Variants in HRAS observed in about 807,000 individuals in gnomAD.
HRAS encodes the protein GTPase HRas.
Under a neutral mutation model 19.8 loss-of-function variants are expected in HRAS, and 11 were observed. That is an observed-to-expected ratio of 0.55 (90% CI 0.35 to 0.92). The LOEUF is 0.92. Among genes scored for constraint, HRAS ranks in the 40% least tolerant of loss-of-function variants. The pLI is 0.01. For synonymous variants in HRAS, 149 were observed against 105.5 expected, an observed-to-expected ratio of 1.41 and a Z score of -2.52; for missense variants, 204 against 255.9, an observed-to-expected ratio of 0.80 and a Z score of 1.38.
intron 5 of HRAS, 45 bp downstream of exon 5, chr11:532,586 G>C: frequency 6.3e-7 from 1 of 1,589,490 alleles, no homozygotes; most frequent in South Asian, 1.1e-5. Flanking sequence ...CGGGGAGCCG[G>C]GGTCATCCGG....
At chr11:532,859 G>A (rs993421123) in intron 4 of HRAS, 104 bp from the exon 5 acceptor site, 20 of 1,146,224 alleles carry the variant, frequency 1.7e-5, no homozygotes, top group Middle Eastern at 2.0e-4. Flanking sequence ...CGAAGCTCCC[G>A]ACTCCACCAG....
chr11:532,836 GC>G lies in HRAS; in HGVS notation c.451-82del, dbSNP rs1851190533. ...GAGGGGCTCCCTGCTGTGGGATCAA[GC>G]CTTGCCTGGCCCGAAGCTCCCGACT... On this transcript the variant is annotated intron_variant, in intron 4 of 5. Transcript: ENST00000311189. The G allele has an allele frequency of 3.5e-6, 5 of 1,410,140 alleles. No homozygotes were observed. The East Asian group carries it at 1.2e-4, about 33-fold the overall frequency. The allele number at this position is 1,410,140 out of a possible 1,614,324, so 87.4% of individuals were successfully genotyped here.
rs149199691 is a variant in HRAS, at chr11:534,221, G to A, written c.102C>T (p.Pro34=). 2.2e-5 allele frequency: 35 copies of A among 1,611,508 alleles called. No homozygotes were observed. The African/African-American group carries it at 3.9e-4, about 18-fold the overall frequency. Residue 34 remains proline, a synonymous_variant, in exon 2 of 6, where the codon CCC becomes CCT. Coordinates refer to ENST00000311189, the MANE Select transcript of HRAS (RefSeq NM_005343.4). ...IQNHFVDEYD[P]TIEDSYRKQV... The stretch of plus-strand genomic sequence containing the variant: ...GCGGCGCCAGGCTCACCTCTATAGT[G>A]GGGTCGTATTCGTCCACAAAATGGT...
chr11:532,735 G>A lies in HRAS; in HGVS notation c.471C>T (p.Tyr157=). 1.2e-6 allele frequency: 2 copies of A among 1,612,994 alleles called. No homozygotes were observed. Among genetic ancestry groups the A allele is most frequent in the African/African-American group, 1.3e-5 (1 of 75,064 alleles). Residue 157 remains tyrosine (Y), a synonymous_variant, in exon 5 of 6, where the codon TAC becomes TAT. Coordinates refer to ENST00000311189, the MANE Select transcript of HRAS (RefSeq NM_005343.4). ...GCTGCCGGATCTCACGCACCAACGTGTAGAAGGCATCCTCCACTCCCTGGG... is the reference window on the plus strand; with the variant it reads ...GCTGCCGGATCTCACGCACCAACGTATAGAAGGCATCCTCCACTCCCTGGG... The part of the protein sequence containing the change: ...KTRQGVEDAF[Y]TLVREIRQHK...
At chr11:534,179 C>G (rs2133993748) in intron 2 of HRAS, 33 bp downstream of exon 2, 1 of 1,543,020 alleles carries the variant, frequency 6.5e-7, no homozygotes, top group Non-Finnish European at 9.0e-7. Context: ...CCCGCAGCAG[C>G]TGCTGGCACC....
At position 533,485 on chromosome 11, in the gene HRAS, G is replaced by A. The variant is rs144001095; in HGVS notation, c.418C>T (p.Pro140Ser). Residue 140 changes from proline to serine, a missense_variant, in exon 4 of 6, where the codon CCC becomes TCC. Physicochemically the swap from Pro to Ser is moderately conservative, Grantham distance 74. Around this residue, in one of 4 missense-constraint regions of HRAS, gnomAD observed 142 missense variants for 141.1 expected, o/e 1.01. Transcript: ENST00000311189. ...AQDLARSYGI[P>S]YIETSAKTRQ... is the part of the protein sequence containing the mutation. ...GTCTTGGCCGAGGTCTCGATGTAGG[G>A]GATGCCGTAGCTTCGGGCGAGGTCC... The A allele has an allele frequency of 2.5e-6, 4 of 1,613,596 alleles. No individual in the cohort carries two copies. The highest frequency in any genetic ancestry group is 1.1e-5 in the South Asian group (1 of 91,080).
intron 4 of HRAS, chr11:533,160 C>A: frequency 3.2e-6 from 3 of 936,290 alleles, no homozygotes; most frequent in Non-Finnish European, 4.7e-6. Context: ...TGGCTCAGGG[C>A]AGCTCTCCCC....
At position 535,574 on chromosome 11, in the gene HRAS, C is replaced by T. The variant is rs1384358670; in HGVS notation, c.-212G>A. The T allele has an allele frequency of 1.3e-5, 2 of 149,254 alleles. No individual in the cohort carries two copies. The highest frequency in any genetic ancestry group is 2.4e-5 in the African/African-American group (1 of 40,922). 9.2% of individuals were successfully genotyped at this position (149,254 alleles called of 1,614,324 possible). ...CACGGGCGGCGGAGACTCGGGCGGG[C>T]CTGCGCACGCCCCGCCCCGCGCCCG... On this transcript the variant is annotated 5_prime_UTR_variant, in exon 1 of 6. Transcript: ENST00000311189.
chr11:535,435 C>T lies in HRAS; in HGVS notation c.-73G>A, dbSNP rs1851431559. Reference sequence around the variant, plus strand: ...ACTCACCGTTCACAGGCGCGACTGCCCCCGGGGCCAGGGCCGGGGCCGAGG... The same window carrying T: ...ACTCACCGTTCACAGGCGCGACTGCTCCCGGGGCCAGGGCCGGGGCCGAGG... On this transcript the variant is annotated 5_prime_UTR_variant, in exon 1 of 6. Coordinates refer to ENST00000311189, the MANE Select transcript of HRAS (RefSeq NM_005343.4). The T allele has an allele frequency of 6.8e-6, 1 of 146,030 alleles. No homozygotes were observed. The highest frequency in any genetic ancestry group is 6.9e-5 in the Admixed American group (1 of 14,402). 9.0% of individuals were successfully genotyped at this position (146,030 alleles called of 1,614,324 possible). A position where few individuals can be genotyped will look rare whatever the true frequency, so the allele number is the denominator to read the frequency against.
rs1454324528 is a variant in HRAS, at chr11:535,561, A to G, written c.-199T>C. 2 of 147,552 alleles carry G rather than the reference A, an allele frequency of 1.4e-5. No homozygotes were observed. Among genetic ancestry groups the G allele is most frequent in the Non-Finnish European group, 3.0e-5 (2 of 66,312 alleles). 9.1% of individuals were successfully genotyped at this position (147,552 alleles called of 1,614,324 possible). A position where few individuals can be genotyped will look rare whatever the true frequency, so the allele number is the denominator to read the frequency against. On this transcript the variant is annotated 5_prime_UTR_variant, in exon 1 of 6. Transcript: ENST00000311189. ...TGCGGGCGCAGGGCACGGGCGGCGG[A>G]GACTCGGGCGGGCCTGCGCACGCCC...
chr11:532,440 C>T lies in HRAS; in HGVS notation c.*88G>A. On this transcript the variant is annotated 3_prime_UTR_variant, in exon 6 of 6. Coordinates refer to ENST00000311189, the MANE Select transcript of HRAS (RefSeq NM_005343.4). The stretch of plus-strand genomic sequence containing the variant: ...ACTGGGCTCCAGCAGCCCTTCCTTC[C>T]TTCCTTGCTTCCGTCCTTCCTTCCT... 3 of 773,580 alleles carry T rather than the reference C, an allele frequency of 3.9e-6. No individual in the cohort carries two copies. Among genetic ancestry groups the T allele is most frequent in the Middle Eastern group, 3.8e-4 (1 of 2,640 alleles). 47.9% of individuals were successfully genotyped at this position (773,580 alleles called of 1,614,324 possible). A position where few individuals can be genotyped will look rare whatever the true frequency, so the allele number is the denominator to read the frequency against.
At chr11:534,865 C>T (rs1026261417) in intron 1 of HRAS, among the ~76,000 whole-genome samples, 2 of 152,216 alleles carry the variant, frequency 1.3e-5, no homozygotes, top group South Asian at 2.1e-4. Flanking sequence ...AGGGCAGACC[C>T]GGGCAGCGCC....
In HRAS at chr11:533,484, G is replaced by C. The variant is rs745637518; in HGVS notation, c.419C>G (p.Pro140Arg). ...GGTCTTGGCCGAGGTCTCGATGTAGGGGATGCCGTAGCTTCGGGCGAGGTC... is the reference window on the plus strand; with the variant it reads ...GGTCTTGGCCGAGGTCTCGATGTAGCGGATGCCGTAGCTTCGGGCGAGGTC... ...AQDLARSYGI[P>R]YIETSAKTRQ... Residue 140 changes from proline to arginine, a missense_variant, in exon 4 of 6, where the codon CCC (proline) becomes CGC (arginine). Coordinates refer to ENST00000311189, the MANE Select transcript of HRAS (RefSeq NM_005343.4). The C allele has an allele frequency of 6.2e-7, 1 of 1,613,494 alleles. No individual in the cohort carries two copies. The highest frequency in any genetic ancestry group is 1.3e-5 in the African/African-American group (1 of 74,930).
chr11:533,709 G>A (rs2133989089), intron 3 of HRAS, 57 bp downstream of exon 3: 1 of 1,610,318 alleles, frequency 6.2e-7, no homozygotes. Flanking sequence ...CCTGGACGCA[G>A]CCGGCCTGGC....
rs45489193 is a variant in HRAS at position 533,096 on chromosome 11, C to T, written c.451-341G>A. On this transcript the variant is annotated intron_variant, in intron 4 of 5. Coordinates refer to ENST00000311189, the MANE Select transcript of HRAS (RefSeq NM_005343.4). ...CTAAGACTCAGAACCAACAGGTGCC[C>T]GTGGGACACTCTGGGGACAAGAGGG... Among the ~76,000 whole-genome samples the T allele has an allele frequency of 8.7e-3, 1,326 of 152,338 alleles. 27 individuals carry two copies. Among genetic ancestry groups the T allele is most frequent in the African/African-American group, 0.03 (1,256 of 41,576 alleles).
intron 5 of HRAS, 25 bp downstream of exon 5, chr11:532,606 C>T (rs752518909): frequency 2.7e-5 from 43 of 1,600,856 alleles, no homozygotes; most frequent in African/African-American, 5.3e-5. Context: ...GTGGGCGTGG[C>T]GGCCGCCCTG....
At chr11:532,920 C>T (rs527831631) in intron 4 of HRAS, among the ~76,000 whole-genome samples, 165 bp from the exon 5 acceptor site, 7 of 152,192 alleles carry the variant, frequency 4.6e-5, no homozygotes, top group African/African-American at 9.7e-5. Context: ...CTGGCCATCT[C>T]GAAGTGCCCA....
rs573859760 is a variant in HRAS at position 532,245 on chromosome 11, A to G, written c.*283T>C. 6.1e-5 allele frequency: 25 copies of G among 407,132 alleles called. No individual in the cohort carries two copies. Among genetic ancestry groups the G allele is most frequent in the African/African-American group, 3.9e-4 (20 of 50,774 alleles). The allele number at this position is 407,132 out of a possible 1,614,324, so 25.2% of individuals were successfully genotyped here. ...CACCCTCAGCCGAAAACCAAGATCA[A>G]GACCATCCAATAATTTACTGTGATC... is the stretch of plus-strand genomic sequence containing the variant. On this transcript the variant is annotated 3_prime_UTR_variant, in exon 6 of 6. Transcript: ENST00000311189.
In HRAS at chr11:534,391, C is replaced by T; in HGVS notation, c.-53-16G>A. ...CCTGCCCCACCTGCCAAGGAGGGCC[C>T]TGCTCAGCCAGGCCCAGGCCCAGCC... On this transcript the variant is annotated splice_polypyrimidine_tract_variant and intron_variant, in intron 1 of 5. Coordinates refer to ENST00000311189, the MANE Select transcript of HRAS (RefSeq NM_005343.4). 1 of 1,325,240 alleles carries T rather than the reference C, an allele frequency of 7.5e-7. No individual in the cohort carries two copies. Among genetic ancestry groups the T allele is most frequent in the Non-Finnish European group, 1.1e-6 (1 of 939,714 alleles). The allele number at this position is 1,325,240 out of a possible 1,614,324, so 82.1% of individuals were successfully genotyped here.
Sources: gnomAD v4.1 joint callset for allele counts (sites outside exome capture counted in the v4.1 genomes callset) on GRCh38, gnomAD v4.1.1 for gene constraint, gnomAD v4.1.1 regional missense constraint, MANE v1.5 for transcripts, NCBI Gene and HGNC (gene_info 2026-07-23, HGNC 2026-07-21) for gene names.